DSCAM: variants seen among roughly 807,000 people sequenced by gnomAD.
The protein encoded by DSCAM is DS cell adhesion molecule, also known as cell adhesion molecule DSCAM.
DSCAM carries 47 observed loss-of-function variants against 217.7 expected under a neutral mutation model. The observed-to-expected ratio is 0.22, with a 90% CI of 0.17 to 0.28. The LOEUF is 0.28. Among genes scored for constraint, DSCAM ranks in the 10% least tolerant of loss-of-function variants. DSCAM has a pLI of 1.00. For synonymous variants in DSCAM, 1,056 were observed against 1,015.3 expected (o/e 1.04, Z -0.76); for missense variants, 2,080 against 2,618.3 (o/e 0.79, Z 4.49).
At chr21:40,670,107 A>C (rs2090254680) in intron 3 of DSCAM, among the ~76,000 whole-genome samples, 1 of 152,208 alleles carries the variant, frequency 6.6e-6, no homozygotes, top group Admixed American at 6.5e-5. Context: ...TTACAAATAA[A>C]ATCAATTTTC....
At chr21:40,456,801 G>A (rs1031405593) in intron 3 of DSCAM, among the ~76,000 whole-genome samples, 2 of 152,008 alleles carry the variant, frequency 1.3e-5, no homozygotes, top group African/African-American at 4.8e-5. Context: ...TGGTTAATGG[G>A]TGCTCACAAT....
At chr21:40,169,328 G>A (rs2090631022) in intron 15 of DSCAM, among the ~76,000 whole-genome samples, 1 of 152,170 alleles carries the variant, frequency 6.6e-6, no homozygotes, top group Admixed American at 6.5e-5. Context: ...AATCAGAATG[G>A]GAACATGAAG....
At chr21:40,041,054 C>A (rs1156572977) in intron 32 of DSCAM, among the ~76,000 whole-genome samples, 1 of 152,142 alleles carries the variant, frequency 6.6e-6, no homozygotes, top group African/African-American at 2.4e-5. Flanking sequence ...GAATCTTGAG[C>A]TGGTATGGAA....
intron 3 of DSCAM, among the ~76,000 whole-genome samples, chr21:40,418,577 T>C (rs2075393713): frequency 1.3e-5 from 2 of 152,192 alleles, no homozygotes; most frequent in Admixed American, 6.5e-5. Context: ...TTGCCGGTAC[T>C]GAAGGGCAAA....
chr21:40,132,948 G>C (rs996994717), intron 19 of DSCAM, among the ~76,000 whole-genome samples: 1 of 152,170 alleles, frequency 6.6e-6, no homozygotes, highest in Non-Finnish European at 1.5e-5. Flanking sequence ...CCCCTGTACT[G>C]CTTGGGGAAC....
chr21:40,227,732 T>C (rs903886866), intron 11 of DSCAM, among the ~76,000 whole-genome samples: 9 of 152,196 alleles, frequency 5.9e-5, no homozygotes, highest in Non-Finnish European at 1.5e-5. Flanking sequence ...GTTGAGATAA[T>C]AACACAGGAA....
chr21:40,257,296 C>A (rs1284577365), intron 11 of DSCAM, among the ~76,000 whole-genome samples: 1 of 152,156 alleles, frequency 6.6e-6, no homozygotes, highest in Non-Finnish European at 1.5e-5. Flanking sequence ...CATATGAAAC[C>A]TAATAAAATA....
chr21:40,497,868 T>C (rs1436578026), intron 3 of DSCAM, among the ~76,000 whole-genome samples: 4 of 152,250 alleles, frequency 2.6e-5, no homozygotes, highest in African/African-American at 9.6e-5. Context: ...GATTTCTAAC[T>C]TGTATTTCCA....
At chr21:40,534,436 G>A (rs539716563) in intron 3 of DSCAM, among the ~76,000 whole-genome samples, 149 of 152,204 alleles carry the variant, frequency 9.8e-4, no homozygotes, top group African/African-American at 3.5e-3. Flanking sequence ...TAGGAAATTC[G>A]ACTAGAAAAT....
intron 3 of DSCAM, among the ~76,000 whole-genome samples, chr21:40,634,949 A>G (rs367636024): frequency 6.6e-6 from 1 of 152,232 alleles, no homozygotes; most frequent in Non-Finnish European, 1.5e-5. Flanking sequence ...TTATTTTAGT[A>G]GTTGTCTGCC....
chr21:40,338,974 C>T, intron 7 of DSCAM, 145 bp downstream of exon 7: 1 of 1,056,268 alleles, frequency 9.5e-7, no homozygotes, highest in Non-Finnish European at 1.4e-6. Flanking sequence ...AGTGCCATTC[C>T]TGAGTAGGAA....
intron 3 of DSCAM, among the ~76,000 whole-genome samples, chr21:40,435,141 T>C (rs2075571594): frequency 6.6e-6 from 1 of 152,210 alleles, no homozygotes; most frequent in Non-Finnish European, 1.5e-5. Flanking sequence ...CTTTTCCAGT[T>C]CTGAAGTCTG....
chr21:40,810,470 A>G (rs1313934223), intron 1 of DSCAM, among the ~76,000 whole-genome samples: 1 of 152,212 alleles, frequency 6.6e-6, no homozygotes, highest in Non-Finnish European at 1.5e-5. Flanking sequence ...CCAGGAACAC[A>G]AGAAGGTTGG....
At chr21:40,065,223 G>A (rs973373823) in intron 27 of DSCAM, among the ~76,000 whole-genome samples, 2 of 152,124 alleles carry the variant, frequency 1.3e-5, no homozygotes, top group Non-Finnish European at 2.9e-5. Context: ...CATGGAAGCA[G>A]CAATCTTGGG....
intron 3 of DSCAM, among the ~76,000 whole-genome samples, chr21:40,546,889 T>C (rs533460106): frequency 6.6e-6 from 1 of 152,126 alleles, no homozygotes; most frequent in East Asian, 1.9e-4. Context: ...CTAGTGAGAA[T>C]GTGGTTTTGC....
At chr21:40,842,267 G>T (rs2092108693) in intron 1 of DSCAM, among the ~76,000 whole-genome samples, 1 of 152,222 alleles carries the variant, frequency 6.6e-6, no homozygotes, top group Non-Finnish European at 1.5e-5. Flanking sequence ...ACACGCGCTT[G>T]TTTGTGTGGG....
At position 40,754,685 on chromosome 21, in the gene DSCAM, G is replaced by A. The variant is rs35702097; in HGVS notation, c.44-45914C>T. 3.7e-3 allele frequency among the ~76,000 whole-genome samples: 570 copies of A among 152,220 alleles called. 2 individuals are homozygous for A. The highest frequency in any genetic ancestry group is 6.8e-3 in the Non-Finnish European group (465 of 68,018). On this transcript the variant is annotated intron_variant, in intron 1 of 32. Transcript: ENST00000400454. ...GTCCTTAGGGGAAGTGTTGCTACTG[G>A]GCAGCTGGAAGTGCTGCCAGGAAAT...
chr21:40,213,987 T>C (rs2091213627), intron 11 of DSCAM, among the ~76,000 whole-genome samples: 1 of 152,186 alleles, frequency 6.6e-6, no homozygotes, highest in Non-Finnish European at 1.5e-5. Flanking sequence ...TGGTGAGGAA[T>C]AAAGGGAGAC....
At chr21:40,787,493 C>T (rs2091604384) in intron 1 of DSCAM, among the ~76,000 whole-genome samples, 2 of 152,208 alleles carry the variant, frequency 1.3e-5, no homozygotes, top group African/African-American at 4.8e-5. Context: ...GCACGTCCCT[C>T]ATAATGTCAA....
Sources: gnomAD v4.1 joint callset for allele counts (sites outside exome capture counted in the v4.1 genomes callset) on GRCh38, gnomAD v4.1.1 for gene constraint, MANE v1.5 for transcripts, NCBI Gene and HGNC (gene_info 2026-07-23, HGNC 2026-07-21) for gene names.